DNM1: variants seen among roughly 807,000 people sequenced by gnomAD.
DNM1 encodes dynamin 1.
Under a neutral mutation model 104.6 loss-of-function variants are expected in DNM1, and 29 were observed. The ratio of observed to expected loss-of-function variants is 0.28; its 90% CI spans 0.21 to 0.38. The LOEUF is 0.38. DNM1 is among the 10% of genes least tolerant of loss of function. The pLI, the probability that DNM1 is intolerant of heterozygous loss-of-function variation, is 1.00. For missense variants in DNM1, 640 were observed against 1,189.4 expected (o/e 0.54, Z 6.79); for synonymous variants, 445 against 475.8 (o/e 0.94, Z 0.84).
At chr9:128,233,543 C>A in intron 10 of DNM1, 1 of 160,842 alleles carries the variant, frequency 6.2e-6, no homozygotes, top group Non-Finnish European at 1.4e-5. Flanking sequence ...GGGCCCTGTC[C>A]TCCCCCGATT....
At chr9:128,227,673 C>A (rs1162956849) in intron 10 of DNM1, among the ~76,000 whole-genome samples, 2 of 152,156 alleles carry the variant, frequency 1.3e-5, no homozygotes, top group African/African-American at 4.8e-5. Context: ...TGAGCCACCA[C>A]GCTCAGCCAG....
intron 1 of DNM1, among the ~76,000 whole-genome samples, chr9:128,216,155 G>C (rs1834592123): frequency 6.6e-6 from 1 of 152,160 alleles, no homozygotes; most frequent in South Asian, 2.1e-4. Context: ...GGTGGGAACT[G>C]TCTGACTCAT....
chr9:128,220,742 C>CGCGTGTGTGTGT lies in DNM1; in HGVS notation c.849+402_849+403insCGTGTGTGTGTG, dbSNP rs61020870. Among the ~76,000 whole-genome samples, 5 of 136,276 alleles carry CGCGTGTGTGTGT rather than the reference C, an allele frequency of 3.7e-5. No homozygotes were observed. Among genetic ancestry groups the CGCGTGTGTGTGT allele is most frequent in the African/African-American group, 1.3e-4 (5 of 37,718 alleles). The allele number at this position is 136,276 out of a possible 152,430, so 89.4% of individuals were successfully genotyped here. On this transcript the variant is annotated intron_variant, in intron 6 of 21. Coordinates refer to ENST00000372923, the MANE Select transcript of DNM1 (RefSeq NM_004408.4). This position sits in a 1 kb window ranked among gnomAD's most constrained non-coding sequence, Gnocchi z 5.2. The stretch of plus-strand genomic sequence containing the variant: ...CAGAACTGAAGTGCGCGCGCGCGCG[C>CGCGTGTGTGTGT]GTGTGTGTGTGTGTGTGTGTGTGTG...
intron 1 of DNM1, among the ~76,000 whole-genome samples, chr9:128,207,074 A>G (rs1834014644): frequency 6.6e-6 from 1 of 152,028 alleles, no homozygotes; most frequent in Admixed American, 6.6e-5. Flanking sequence ...AAGAGGAATC[A>G]ATGATGACTT....
At chr9:128,235,930 T>C (rs974079221) in intron 11 of DNM1, among the ~76,000 whole-genome samples, 6 of 152,022 alleles carry the variant, frequency 3.9e-5, no homozygotes, top group African/African-American at 1.4e-4. Flanking sequence ...GTGCCCAGGA[T>C]GGTCTCAAAC....
intron 11 of DNM1, among the ~76,000 whole-genome samples, chr9:128,238,246 CAG>C (rs1836135956): frequency 6.6e-6 from 1 of 150,770 alleles, no homozygotes; most frequent in Admixed American, 6.6e-5. Flanking sequence ...TTGTTTGTGA[CAG>C]AGTTTCGCTC....
At chr9:128,235,925 C>T (rs962755309) in intron 11 of DNM1, among the ~76,000 whole-genome samples, 3 of 152,040 alleles carry the variant, frequency 2.0e-5, no homozygotes, top group Non-Finnish European at 4.4e-5. Flanking sequence ...CTATGGTGCC[C>T]AGGATGGTCT....
chr9:128,247,769 C>A lies in DNM1; in HGVS notation c.1894-155C>A, dbSNP rs1352156689. Among the ~76,000 whole-genome samples the A allele has an allele frequency of 6.6e-6, 1 of 152,178 alleles. No individual in the cohort carries two copies. Among genetic ancestry groups the A allele is most frequent in the Non-Finnish European group, 1.5e-5 (1 of 68,030 alleles). ...TTCTTGTGACTGCCTTCTCTTTTCT[C>A]CCCTATTTCACTGTGGCGATGTCTA... On this transcript the variant is annotated intron_variant, in intron 17 of 21. Transcript: ENST00000372923. The surrounding 1 kb of genome is among the most constrained non-coding windows in gnomAD (Gnocchi z 5.1).
intron 1 of DNM1, among the ~76,000 whole-genome samples, chr9:128,207,336 C>T (rs1834029211): frequency 6.6e-6 from 1 of 152,020 alleles, no homozygotes; most frequent in East Asian, 1.9e-4. Flanking sequence ...GGGATTTAAA[C>T]CCGAGAGTAG....
chr9:128,214,219 T>A (rs1734721038), intron 1 of DNM1, among the ~76,000 whole-genome samples: 1 of 152,196 alleles, frequency 6.6e-6, no homozygotes, highest in Non-Finnish European at 1.5e-5. Flanking sequence ...GGTCTCAGCA[T>A]GCCCAGCAAG....
intron 20 of DNM1, 132 bp downstream of exon 20, chr9:128,250,488 AGGGCGGGGCTTGTCGCG>A: frequency 8.9e-7 from 1 of 1,119,194 alleles, no homozygotes; most frequent in Non-Finnish European, 1.2e-6. Context: ...GAGCTTAGAG[AGGGCGGGGCTTGTCGCG>A]GGGCGGGGCT....
intron 1 of DNM1, among the ~76,000 whole-genome samples, chr9:128,216,286 A>G (rs778960221): frequency 1.1e-4 from 16 of 152,182 alleles, no homozygotes; most frequent in South Asian, 2.1e-4. Flanking sequence ...GGAAGTTTCC[A>G]GGCTGAGGGT....
intron 14 of DNM1, 37 bp from the exon 15 acceptor site, chr9:128,242,195 G>A: frequency 8.2e-7 from 1 of 1,222,002 alleles, no homozygotes; most frequent in Non-Finnish European, 1.2e-6. Context: ...GGAGGCTCAG[G>A]CCCTGTCCAC....
chr9:128,224,273 A>T lies in DNM1; in HGVS notation c.1219A>T (p.Met407Leu), dbSNP rs553162657. ...GIRTGLFTPDMAFETIVKKQV... is the reference protein window; with the variant it reads ...GIRTGLFTPDLAFETIVKKQV... Reference sequence around the variant, plus strand: ...CAGAACGGGGCTGTTTACCCCAGACATGGCCTTTGAGACCATTGTGAAAAA... The same window carrying T: ...CAGAACGGGGCTGTTTACCCCAGACTTGGCCTTTGAGACCATTGTGAAAAA... Residue 407 changes from methionine (M) to leucine (L), a missense_variant, in exon 10 of 22, where the codon ATG (methionine) becomes TTG (leucine). This residue lies in a region of DNM1 where 92 missense variants were observed against 124.4 expected (regional missense o/e 0.74). Transcript: ENST00000372923. This position sits in a 1 kb window ranked among gnomAD's most constrained non-coding sequence, Gnocchi z 4.3. 6.2e-7 allele frequency: 1 copy of T among 1,613,842 alleles called. No individual in the cohort carries two copies. Among genetic ancestry groups the T allele is most frequent in the Non-Finnish European group, 8.5e-7 (1 of 1,179,886 alleles).
At chr9:128,234,625 C>T (rs1352583206) in intron 11 of DNM1, among the ~76,000 whole-genome samples, 1 of 152,212 alleles carries the variant, frequency 6.6e-6, no homozygotes, top group Non-Finnish European at 1.5e-5. Context: ...CTGCCCACCT[C>T]AGCCTCCCAA....
At chr9:128,237,561 G>A (rs756120666) in intron 11 of DNM1, among the ~76,000 whole-genome samples, 6 of 150,888 alleles carry the variant, frequency 4.0e-5, no homozygotes, top group East Asian at 2.0e-4. Context: ...GAGCCACCCC[G>A]CCCGGCCTGT....
intron 1 of DNM1, among the ~76,000 whole-genome samples, chr9:128,213,014 T>A (rs914915901): frequency 3.9e-5 from 6 of 152,248 alleles, no homozygotes; most frequent in Non-Finnish European, 1.5e-5. Flanking sequence ...ATGTTTACAG[T>A]GGCTCCCATC....
At chr9:128,231,150 G>A (rs958239538) in intron 10 of DNM1, among the ~76,000 whole-genome samples, 7 of 147,908 alleles carry the variant, frequency 4.7e-5, no homozygotes, top group African/African-American at 1.7e-4. Flanking sequence ...CAAATATTTG[G>A]AAAGGAAAGC....
rs1203987103 is a variant in DNM1, at chr9:128,220,862, T to G, written c.849+521T>G. 1.3e-5 allele frequency among the ~76,000 whole-genome samples: 2 copies of G among 151,788 alleles called. No homozygotes were observed. The highest frequency in any genetic ancestry group is 6.6e-5 in the Admixed American group (1 of 15,246). On this transcript the variant is annotated intron_variant, in intron 6 of 21. Transcript: ENST00000372923. This position sits in a 1 kb window ranked among gnomAD's most constrained non-coding sequence, Gnocchi z 5.2. ...GACACTCTCTCTGGCTCTCTGAGCC[T>G]CTATTTCTTTTTTCTTTATTTGTTT...
Sources: allele counts gnomAD v4.1 joint callset (sites outside exome capture counted in the v4.1 genomes callset), GRCh38; gene constraint gnomAD v4.1.1; regional missense constraint gnomAD v4.1.1; non-coding constraint Gnocchi (gnomAD v3.1); transcripts MANE v1.5; gene names NCBI Gene and HGNC (gene_info 2026-07-23, HGNC 2026-07-21).